The following CFAP47 variants were observed in gnomAD, a reference collection of about 807,000 sequenced individuals.
CFAP47 encodes cilia and flagella associated protein 47.
A neutral mutation model predicts 148.1 loss-of-function variants in CFAP47; 29 were observed. That is an observed-to-expected ratio of 0.20 (90% CI 0.15 to 0.27). CFAP47 has a LOEUF of 0.27. CFAP47 is among the 10% of genes least tolerant of loss of function. The probability of loss-of-function intolerance (pLI) is 1.00; values close to 1 mark genes in which losing one functional copy is unlikely to be tolerated. For synonymous variants in CFAP47, 664 were observed against 577.3 expected (o/e 1.15, Z -2.15); for missense variants, 1,872 against 1,697.5 (o/e 1.10, Z -1.81).
intron 33 of CFAP47, among the ~76,000 whole-genome samples, chrX:36,109,210 G>T (rs974123767): frequency 1.8e-5 from 2 of 111,870 alleles, no homozygotes; most frequent in Admixed American, 1.9e-4. Flanking sequence ...AGGCATGTAG[G>T]TTGATTGCAT....
At chrX:36,291,040 G>T (rs1941187862) in intron 51 of CFAP47, among the ~76,000 whole-genome samples, 1 of 112,005 alleles carries the variant, frequency 8.9e-6, no homozygotes, top group Non-Finnish European at 1.9e-5. Context: ...TGCATTCAGG[G>T]TATAGCAACC....
At chrX:36,084,612 G>A (rs144606089) in intron 29 of CFAP47, among the ~76,000 whole-genome samples, 10 of 111,795 alleles carry the variant, frequency 8.9e-5, no homozygotes, top group Non-Finnish European at 1.9e-4. Context: ...GTTAGACAAT[G>A]TGGTGTGAGA....
chrX:36,149,617 A>AT (rs5902125), intron 37 of CFAP47, among the ~76,000 whole-genome samples: 28 of 96,544 alleles, frequency 2.9e-4, no homozygotes, highest in Admixed American at 2.7e-3. Flanking sequence ...TATTTATTTT[A>AT]TTTTTTTTTG....
intron 33 of CFAP47, among the ~76,000 whole-genome samples, chrX:36,118,233 G>C (rs1046495510): frequency 2.7e-5 from 3 of 111,197 alleles, no homozygotes; most frequent in African/African-American, 3.3e-5. Context: ...GGGTCTTTTA[G>C]AAATTTTAGA....
chrX:36,249,471 G>A (rs1225071437), intron 48 of CFAP47, among the ~76,000 whole-genome samples: 2 of 110,864 alleles, frequency 1.8e-5, no homozygotes, highest in African/African-American at 6.5e-5. Context: ...GCTGACTCAA[G>A]AAGGAATAGA....
intron 60 of CFAP47, among the ~76,000 whole-genome samples, chrX:36,354,664 A>G (rs1602123060): frequency 9.1e-6 from 1 of 110,348 alleles, no homozygotes; most frequent in Admixed American, 9.8e-5. Context: ...AAACACACCA[A>G]TTCAGCAATA....
chrX:35,968,190 G>A (rs1018031168), intron 10 of CFAP47, among the ~76,000 whole-genome samples: 9 of 110,694 alleles, frequency 8.1e-5, no homozygotes, highest in Admixed American at 2.9e-4. Context: ...ATTAAGTATG[G>A]TTGAAAGCTT....
chrX:36,021,430 G>GT (rs1937157471), intron 22 of CFAP47, among the ~76,000 whole-genome samples: 1 of 110,828 alleles, frequency 9.0e-6, no homozygotes, highest in Admixed American at 9.6e-5. Context: ...AGCCTTCCGA[G>GT]TAGCTGGGAC....
chrX:36,211,444 CA>C, intron 45 of CFAP47: 1 of 258,069 alleles, frequency 3.9e-6, no homozygotes. Context: ...GAGTATCACC[CA>C]AAAACCAAAG....
At chrX:36,240,177 A>G (rs1318067823) in intron 48 of CFAP47, among the ~76,000 whole-genome samples, 3 of 111,875 alleles carry the variant, frequency 2.7e-5, no homozygotes, top group Non-Finnish European at 3.8e-5. Context: ...ACCTTACATA[A>G]AAAGTAGTTT....
intron 53 of CFAP47, among the ~76,000 whole-genome samples, chrX:36,302,744 C>T (rs910161368): frequency 2.7e-5 from 3 of 111,908 alleles, no homozygotes; most frequent in African/African-American, 9.7e-5. Context: ...TGGGCATTTA[C>T]TCATCATCAA....
At chrX:35,923,991 ATATATGTG>A (rs1459018092) in intron 1 of CFAP47, among the ~76,000 whole-genome samples, 6 of 102,391 alleles carry the variant, frequency 5.9e-5, no homozygotes, top group South Asian at 8.4e-4. Context: ...ATATATGTAC[ATATATGTG>A]TATATGTGTA....
chrX:36,152,157 T>A (rs1939315466), intron 37 of CFAP47, among the ~76,000 whole-genome samples: 2 of 111,063 alleles, frequency 1.8e-5, no homozygotes, highest in Admixed American at 1.9e-4. Context: ...TAAATAAAAA[T>A]TATATATATT....
intron 27 of CFAP47, among the ~76,000 whole-genome samples, chrX:36,069,573 T>C (rs1029323694): frequency 1.8e-5 from 2 of 111,784 alleles, no homozygotes; most frequent in Non-Finnish European, 3.8e-5. Flanking sequence ...TATATAGTGA[T>C]AATTTCTAAT....
chrX:36,361,044 C>CTTTCTTG (rs1941823959), intron 60 of CFAP47, among the ~76,000 whole-genome samples: 1 of 111,188 alleles, frequency 9.0e-6, no homozygotes, highest in African/African-American at 3.3e-5. Context: ...TCCATGTGGC[C>CTTTCTTG]TTTCTTGTTT....
At chrX:36,315,888 G>A (rs1941429489) in intron 56 of CFAP47, among the ~76,000 whole-genome samples, 1 of 111,015 alleles carries the variant, frequency 9.0e-6, no homozygotes, top group Non-Finnish European at 1.9e-5. Flanking sequence ...CTTCCCTACT[G>A]GCATTTCCTG....
chrX:36,071,745 A>C lies in CFAP47; in HGVS notation c.4319-80A>C. 5 of 884,290 alleles carry C rather than the reference A, an allele frequency of 5.7e-6. No individual in the cohort carries two copies. In the South Asian group the frequency reaches 1.1e-4, roughly 20 times the overall value. 72.9% of individuals were successfully genotyped at this position (884,290 alleles called of 1,213,427 possible). A position where few individuals can be genotyped will look rare whatever the true frequency, so the allele number is the denominator to read the frequency against. On this transcript the variant is annotated intron_variant, in intron 27 of 63. Transcript: ENST00000378653. Reference sequence around the variant, plus strand: ...AGATATATACATCAATAGATAATAGATAAACTCAGGTTAAATAATGGTATA... The same window carrying C: ...AGATATATACATCAATAGATAATAGCTAAACTCAGGTTAAATAATGGTATA...
chrX:36,319,011 T>A (rs1486316226), intron 56 of CFAP47, among the ~76,000 whole-genome samples, 198 bp from the exon 57 acceptor site: 1 of 111,958 alleles, frequency 8.9e-6, no homozygotes, highest in African/African-American at 3.2e-5. Context: ...TTTTTAAACA[T>A]CATAGATAAA....
At position 36,299,108 on chromosome X, in the gene CFAP47, T is replaced by C; in HGVS notation, c.7818T>C (p.Tyr2606=). The stretch of plus-strand genomic sequence containing the variant: ...TGAGTCCACTACAGTGCACCAAATA[T>C]ATTGTATGGTATTCTCCAGCAACTA... ...IILSPLQCTK[Y]IVWYSPATTG... is the part of the protein sequence containing the mutation. Residue 2606 remains tyrosine, a synonymous_variant, in exon 52 of 64, where the codon TAT becomes TAC. Coordinates refer to ENST00000378653, the MANE Select transcript of CFAP47 (RefSeq NM_001304548.2). 1 of 1,092,473 alleles carries C rather than the reference T, an allele frequency of 9.2e-7. No individual in the cohort carries two copies. Among genetic ancestry groups the C allele is most frequent in the Non-Finnish European group, 1.2e-6 (1 of 823,791 alleles). 90.0% of individuals were successfully genotyped at this position (1,092,473 alleles called of 1,213,427 possible). A position where few individuals can be genotyped will look rare whatever the true frequency, so the allele number is the denominator to read the frequency against.
Sources: allele counts gnomAD v4.1 joint callset (sites outside exome capture counted in the v4.1 genomes callset), GRCh38; gene constraint gnomAD v4.1.1; transcripts MANE v1.5; gene names NCBI Gene and HGNC (gene_info 2026-07-23, HGNC 2026-07-21).